The following RMI1 variants were observed in gnomAD, a reference collection of about 807,000 sequenced individuals.
RMI1 encodes RecQ mediated genome instability 1, also known as recQ-mediated genome instability protein 1.
Under a neutral mutation model 46.7 loss-of-function variants are expected in RMI1, and 36 were observed. That is an observed-to-expected ratio of 0.77 (90% confidence interval 0.59 to 1.02). The LOEUF (loss-of-function observed/expected upper bound fraction) is 1.02. RMI1 is among the 50% of genes least tolerant of loss of function. The pLI, the probability that RMI1 is intolerant of heterozygous loss-of-function variation, is 0.00. For synonymous variants in RMI1, 250 were observed against 252.9 expected (o/e 0.99, Z 0.11); for missense variants, 676 against 713.7 (o/e 0.95, Z 0.60).
intron 1 of RMI1, among the ~76,000 whole-genome samples, chr9:83,990,290 G>C (rs1247451652): frequency 6.6e-6 from 1 of 152,164 alleles, no homozygotes; most frequent in Non-Finnish European, 1.5e-5. Flanking sequence ...GAGGTGGGCG[G>C]ATCACGAGGT....
In RMI1 at chr9:84,003,061, T is replaced by C. The variant is rs927529386; in HGVS notation, c.*197T>C. On this transcript the variant is annotated 3_prime_UTR_variant, in exon 3 of 3. Coordinates refer to ENST00000445877, the MANE Select transcript of RMI1 (RefSeq NM_001358291.2). Reference sequence around the variant, plus strand: ...ATAAGTTAATCTTTTTTTTTTTTTTTTTAATGTCAGGGTATTGCTCTGTTG... The same window carrying C: ...ATAAGTTAATCTTTTTTTTTTTTTTCTTAATGTCAGGGTATTGCTCTGTTG... The C allele has an allele frequency of 4.6e-6, 2 of 433,066 alleles. No homozygotes were observed. Among genetic ancestry groups the C allele is most frequent in the African/African-American group, 4.0e-5 (2 of 49,618 alleles). 26.8% of individuals were successfully genotyped at this position (433,066 alleles called of 1,614,324 possible). A position where few individuals can be genotyped will look rare whatever the true frequency, so the allele number is the denominator to read the frequency against.
chr9:84,001,535 A>C lies in RMI1; in HGVS notation c.549A>C (p.Lys183Asn), dbSNP rs754022242. 6.2e-7 allele frequency: 1 copy of C among 1,613,750 alleles called. No homozygotes were observed. The highest frequency in any genetic ancestry group is 8.5e-7 in the Non-Finnish European group (1 of 1,179,942). The change falls in exon 3 of 3, where the codon AAA (lysine) becomes AAC (asparagine). Residue 183 changes from lysine (K) to asparagine (N), a missense_variant. Physicochemically the swap from Lys to Asn is moderately conservative, Grantham distance 94. Transcript: ENST00000445877. ...TCCGTCTTGGTGTTCTCTTATTGAA[A>C]CCAGAAAACGTGAAAGTGTTAGGAG... ...ISFRLGVLLL[K>N]PENVKVLGGE... is the part of the protein sequence containing the mutation.
chr9:83,986,392 T>C (rs1320743208), intron 1 of RMI1, among the ~76,000 whole-genome samples: 1 of 152,202 alleles, frequency 6.6e-6, no homozygotes, highest in Non-Finnish European at 1.5e-5. Flanking sequence ...ATTTTATACA[T>C]AAGTGGGTTT....
rs147574212 is a variant in RMI1, at chr9:83,981,490, G to A, written c.-126+599G>A. Among the ~76,000 whole-genome samples, 21 of 152,214 alleles carry A rather than the reference G, an allele frequency of 1.4e-4. No individual in the cohort carries two copies. The East Asian group carries it at 4.1e-3, about 29-fold the overall frequency. ...TTCAGCGCACACTTGCATTGTATTCGGTTCCTTACTTTTAAGGCTCCTGTG... is the reference window on the plus strand; with the variant it reads ...TTCAGCGCACACTTGCATTGTATTCAGTTCCTTACTTTTAAGGCTCCTGTG... On this transcript the variant is annotated intron_variant, in intron 1 of 2. Transcript: ENST00000445877.
At position 84,001,332 on chromosome 9, in the gene RMI1, G is replaced by C. The variant is rs145880625; in HGVS notation, c.346G>C (p.Val116Leu). The C allele has an allele frequency of 1.8e-4, 290 of 1,614,146 alleles. No individual in the cohort carries two copies. The highest frequency in any genetic ancestry group is 9.3e-6 in the Non-Finnish European group (11 of 1,179,990). ...LRGKNTTNDL[V>L]TAEAQVTPKP... ...AGGAAAGAATACAACAAATGATCTA[G>C]TTACAGCTGAAGCACAAGTAACCCC... The change falls in exon 3 of 3, where the codon GTT becomes CTT. Residue 116 changes from valine to leucine, a missense_variant. Transcript: ENST00000445877.
intron 1 of RMI1, among the ~76,000 whole-genome samples, chr9:83,997,086 G>A (rs1332431853): frequency 1.4e-5 from 2 of 141,062 alleles, no homozygotes; most frequent in African/African-American, 5.3e-5. Context: ...TTTAAAGGTA[G>A]AGGTAAGTCC....
rs376307509 is a variant in RMI1, at chr9:84,002,101, A to T, written c.1115A>T (p.Asn372Ile). The T allele has an allele frequency of 6.2e-7, 1 of 1,613,754 alleles. No individual in the cohort carries two copies. The highest frequency in any genetic ancestry group is 1.7e-5 in the Admixed American group (1 of 59,986). ...TTGACTTGCAAAAATGGAAACAATA[A>T]TTGGAGTGAAAAAAATGTATCTGAA... ...FSLTCKNGNN[N>I]WSEKNVSEQM... The change falls in exon 3 of 3, where the codon AAT (asparagine) becomes ATT (isoleucine). Residue 372 changes from asparagine (N) to isoleucine (I), a missense_variant. Coordinates refer to ENST00000445877, the MANE Select transcript of RMI1 (RefSeq NM_001358291.2).
At chr9:83,985,748 C>T (rs1324815327) in intron 1 of RMI1, among the ~76,000 whole-genome samples, 5 of 152,196 alleles carry the variant, frequency 3.3e-5, no homozygotes, top group Non-Finnish European at 7.3e-5. Flanking sequence ...GTGGCTCACG[C>T]CTGTAATCCC....
intron 1 of RMI1, among the ~76,000 whole-genome samples, chr9:83,989,241 A>G (rs1389613113): frequency 6.6e-6 from 1 of 152,190 alleles, no homozygotes; most frequent in Non-Finnish European, 1.5e-5. Context: ...CTACTAGGCA[A>G]AAACATTGTG....
chr9:83,993,296 A>G (rs1957600529), intron 1 of RMI1, among the ~76,000 whole-genome samples: 1 of 152,024 alleles, frequency 6.6e-6, no homozygotes, highest in Non-Finnish European at 1.5e-5. Context: ...TAATGTCCTC[A>G]AGGTTAATTT....
intron 1 of RMI1, among the ~76,000 whole-genome samples, chr9:83,996,093 G>A (rs1180977186): frequency 6.6e-6 from 1 of 152,080 alleles, no homozygotes; most frequent in Non-Finnish European, 1.5e-5. Flanking sequence ...GGCTCACGTT[G>A]GATTGTTTTT....
Position 84,002,677 on chromosome 9 carries a change from C to T in RMI1, c.1691C>T (p.Ser564Leu). The T allele has an allele frequency of 2.5e-6, 4 of 1,613,088 alleles. No individual in the cohort carries two copies. The highest frequency in any genetic ancestry group is 2.2e-5 in the South Asian group (2 of 91,016). ...TTCTCAGTACCAGAAATGAAACAGT[C>T]AAAAAAGGATCCTCTTCAATACCAA... Reference protein sequence around the residue: ...IGFSVPEMKQSKKDPLQYQKF... With the variant: ...IGFSVPEMKQLKKDPLQYQKF... Residue 564 changes from serine to leucine, a missense_variant, in exon 3 of 3, where the codon TCA (serine) becomes TTA (leucine). Transcript: ENST00000445877.
chr9:84,001,656 A>G lies in RMI1; in HGVS notation c.670A>G (p.Asn224Asp), dbSNP rs561257135. ...TCTTGTAGTTTCAGTCATACCAAAC[A>G]ATTCTAACGAAAACATTCCCAGAGT... ...PDLVVSVIPN[N>D]SNENIPRVTD... Residue 224 changes from asparagine to aspartate, a missense_variant, in exon 3 of 3, where the codon AAT (asparagine) becomes GAT (aspartate). By Grantham distance (23) the Asn-to-Asp change is conservative (BLOSUM62 1). Transcript: ENST00000445877. The G allele has an allele frequency of 3.1e-5, 50 of 1,614,032 alleles. No individual in the cohort carries two copies. The South Asian group carries it at 4.7e-4, about 15-fold the overall frequency.
At chr9:83,990,678 T>G (rs538154697) in intron 1 of RMI1, among the ~76,000 whole-genome samples, 16 of 152,336 alleles carry the variant, frequency 1.1e-4, no homozygotes, top group African/African-American at 3.8e-4. Context: ...TTACCCTGAT[T>G]TGATCATTAC....
At position 84,002,414 on chromosome 9, in the gene RMI1, TA is replaced by T; in HGVS notation, c.1429del (p.Ser477AlafsTer21). 1 of 1,613,564 alleles carries T rather than the reference TA, an allele frequency of 6.2e-7. No individual in the cohort carries two copies. The highest frequency in any genetic ancestry group is 2.2e-5 in the East Asian group (1 of 44,822). On this transcript the variant is annotated frameshift_variant, in exon 3 of 3. Transcript: ENST00000445877. LOFTEE classifies it high-confidence loss of function. ...QSCSLRSSENSINLSIAMDLY... is the reference protein window; with the variant it reads ...QSCSLRSSENXINLSIAMDLY... ...GTTGTTCTTTAAGATCATCAGAGAATAGCATTAATCTTTCTATTGCCATGGA... is the reference window on the plus strand; with the variant it reads ...GTTGTTCTTTAAGATCATCAGAGAATGCATTAATCTTTCTATTGCCATGGA...
intron 1 of RMI1, among the ~76,000 whole-genome samples, chr9:83,995,521 G>A (rs1464582657): frequency 6.6e-6 from 1 of 150,906 alleles, no homozygotes; most frequent in Non-Finnish European, 1.5e-5. Context: ...TCCGCCTCCC[G>A]GGTTCAAGCA....
At chr9:83,996,478 A>T (rs1957655577) in intron 1 of RMI1, among the ~76,000 whole-genome samples, 1 of 151,882 alleles carries the variant, frequency 6.6e-6, no homozygotes, top group African/African-American at 2.4e-5. Context: ...CCACTTAACC[A>T]CTCTTAAGTT....
At chr9:83,991,173 G>T (rs550086109) in intron 1 of RMI1, among the ~76,000 whole-genome samples, 46 of 152,230 alleles carry the variant, frequency 3.0e-4, no homozygotes, top group African/African-American at 1.1e-3. Context: ...TTGTCAATTA[G>T]ATGTTTCTTT....
At chr9:83,986,685 G>C (rs1315944510) in intron 1 of RMI1, among the ~76,000 whole-genome samples, 1 of 152,112 alleles carries the variant, frequency 6.6e-6, no homozygotes, top group Non-Finnish European at 1.5e-5. Flanking sequence ...TTACAAAATA[G>C]GTTTTAATTT....
Sources: gnomAD v4.1 joint callset for allele counts (sites outside exome capture counted in the v4.1 genomes callset) on GRCh38, gnomAD v4.1.1 for gene constraint, MANE v1.5 for transcripts, NCBI Gene and HGNC (gene_info 2026-07-23, HGNC 2026-07-21) for gene names.